The following HOXA13 variants were observed in gnomAD, a reference collection of about 807,000 sequenced individuals.
HOXA13 encodes homeobox A13.
Under a neutral mutation model 25.7 loss-of-function variants are expected in HOXA13, and 5 were observed. The ratio of observed to expected loss-of-function variants is 0.19; its 90% CI spans 0.10 to 0.41. The LOEUF is 0.41. Among genes scored for constraint, HOXA13 ranks in the 10% least tolerant of loss-of-function variants. The pLI is 1.00. For synonymous variants in HOXA13, 284 were observed against 241.1 expected (o/e 1.18, Z -1.65); for missense variants, 557 against 533.5 (o/e 1.04, Z -0.43).
Position 27,198,177 on chromosome 7 carries a change from T to A in HOXA13, c.*21A>T, listed in dbSNP as rs746043394. The A allele has an allele frequency of 6.2e-7, 1 of 1,613,920 alleles. No individual in the cohort carries two copies. Among genetic ancestry groups the A allele is most frequent in the South Asian group, 1.1e-5 (1 of 91,060 alleles). On this transcript the variant is annotated 3_prime_UTR_variant, in exon 2 of 2. Transcript: ENST00000649031. Reference sequence around the variant, plus strand: ...TCTGAAGCGTTTCTTCAAGTTGCCTTCTTGCTCTATTTTTAATCCATTAAC... The same window carrying A: ...TCTGAAGCGTTTCTTCAAGTTGCCTACTTGCTCTATTTTTAATCCATTAAC...
chr7:27,199,182 G>T lies in HOXA13; in HGVS notation c.896C>A (p.Pro299His), dbSNP rs1784050943. ...MYCPKEQAQP[P>H]HLWKSTLPDV... The stretch of plus-strand genomic sequence containing the variant: ...GGGCAGAGTGGACTTCCAGAGGTGG[G>T]GAGGCTGCGCCTGCTCTTTGGGGCA... Residue 299 changes from proline (P) to histidine (H), a missense_variant, in exon 1 of 2, where the codon CCC becomes CAC. By Grantham distance (77) the Pro-to-His change is moderately conservative. Coordinates refer to ENST00000649031, the MANE Select transcript of HOXA13 (RefSeq NM_000522.5). The T allele has an allele frequency of 3.1e-6, 5 of 1,612,332 alleles. No homozygotes were observed. Among genetic ancestry groups the T allele is most frequent in the Admixed American group, 3.3e-5 (2 of 59,876 alleles).
intron 1 of HOXA13, 101 bp downstream of exon 1, chr7:27,199,055 C>T (rs892155405): frequency 1.7e-6 from 2 of 1,172,106 alleles, no homozygotes; most frequent in Non-Finnish European, 2.4e-6. Context: ...TAGGGCAGAC[C>T]AGGAAGAGAA....
chr7:27,198,654 C>G, intron 1 of HOXA13: 1 of 615,610 alleles, frequency 1.6e-6, no homozygotes, highest in Non-Finnish European at 2.8e-6. Context: ...AGTGACTTCC[C>G]CAACCCGGCC....
At position 27,199,574 on chromosome 7, in the gene HOXA13, C is replaced by A. The variant is rs34185333; in HGVS notation, c.504G>T (p.Ala168=). Reference sequence around the variant, plus strand: ...CGCTGCCGAAGTAGCCATAGGGCAGCGCCGCGGGCCCCGACGAGCTCTGCG... The same window carrying A: ...CGCTGCCGAAGTAGCCATAGGGCAGAGCCGCGGGCCCCGACGAGCTCTGCG... ...AAAQSSSGPA[A]LPYGYFGSGY... Residue 168 remains alanine (A), a synonymous_variant, in exon 1 of 2, where the codon GCG becomes GCT. Coordinates refer to ENST00000649031, the MANE Select transcript of HOXA13 (RefSeq NM_000522.5). 5 of 1,537,592 alleles carry A rather than the reference C, an allele frequency of 3.3e-6. No individual in the cohort carries two copies. The highest frequency in any genetic ancestry group is 2.7e-5 in the African/African-American group (2 of 72,860).
At position 27,199,285 on chromosome 7, in the gene HOXA13, G is replaced by C. The variant is rs752872577; in HGVS notation, c.793C>G (p.Arg265Gly). Residue 265 changes from arginine to glycine, a missense_variant, in exon 1 of 2, where the codon CGC (arginine) becomes GGC (glycine). Transcript: ENST00000649031. ...VPGLGGPGESRHEPLGLPMES... is the reference protein window; with the variant it reads ...VPGLGGPGESGHEPLGLPMES... ...ATGGGAAGACCCAAGGGTTCGTGGC[G>C]CGACTCGCCGGGGCCCCCGAGGCCC... The C allele has an allele frequency of 6.2e-7, 1 of 1,614,036 alleles. No homozygotes were observed. Among genetic ancestry groups the C allele is most frequent in the Non-Finnish European group, 8.5e-7 (1 of 1,179,984 alleles).
chr7:27,198,981 C>T (rs1210899935), intron 1 of HOXA13, among the ~76,000 whole-genome samples, 175 bp downstream of exon 1: 1 of 152,134 alleles, frequency 6.6e-6, no homozygotes, highest in Admixed American at 6.5e-5. Context: ...GGGACCAGCT[C>T]AACTCGAGGC....
At chr7:27,198,926 G>A (rs1359210257) in intron 1 of HOXA13, among the ~76,000 whole-genome samples, 1 of 152,126 alleles carries the variant, frequency 6.6e-6, no homozygotes, top group African/African-American at 2.4e-5. Context: ...GGAGAGGGAA[G>A]CTAGCCGAGG....
intron 1 of HOXA13, chr7:27,198,866 T>C: frequency 1.9e-6 from 1 of 527,492 alleles, no homozygotes; most frequent in Non-Finnish European, 3.4e-6. Flanking sequence ...TTCTGGTCAA[T>C]TTCTCATCCT....
chr7:27,198,646 T>A (rs769451569), intron 1 of HOXA13: 1 of 634,408 alleles, frequency 1.6e-6, no homozygotes, highest in Non-Finnish European at 2.7e-6. Flanking sequence ...AGGGCTCCAG[T>A]GACTTCCCCA....
chr7:27,197,837 G>T lies in HOXA13; in HGVS notation c.*361C>A. The T allele has an allele frequency of 5.5e-6, 2 of 361,632 alleles. No individual in the cohort carries two copies. The highest frequency in any genetic ancestry group is 5.1e-6 in the Non-Finnish European group (1 of 196,222). 22.4% of individuals were successfully genotyped at this position (361,632 alleles called of 1,614,324 possible). A position where few individuals can be genotyped will look rare whatever the true frequency, so the allele number is the denominator to read the frequency against. ...CTCTTGCGTTTGTAACCAACTTCCA[G>T]ATTATTACCATCTAACGCAGTGTCC... On this transcript the variant is annotated 3_prime_UTR_variant, in exon 2 of 2. Transcript: ENST00000649031.
In HOXA13 at chr7:27,197,880, TTAAA is replaced by T; in HGVS notation, c.*314_*317del. ...CAGTGTCCTAAAATGTAACGATCAC[TTAAA>T]TACTTACAAGATTTCAGTAACTGCG... On this transcript the variant is annotated 3_prime_UTR_variant, in exon 2 of 2. Coordinates refer to ENST00000649031, the MANE Select transcript of HOXA13 (RefSeq NM_000522.5). 2.2e-6 allele frequency: 1 copy of T among 447,512 alleles called. No individual in the cohort carries two copies. Among genetic ancestry groups the T allele is most frequent in the South Asian group, 2.3e-5 (1 of 43,426 alleles). The allele number at this position is 447,512 out of a possible 1,614,324, so 27.7% of individuals were successfully genotyped here. A position where few individuals can be genotyped will look rare whatever the true frequency, so the allele number is the denominator to read the frequency against.
chr7:27,198,826 GA>G, intron 1 of HOXA13: 1 of 455,742 alleles, frequency 2.2e-6, no homozygotes, highest in Non-Finnish European at 4.0e-6. Context: ...TTGAGAGAAT[GA>G]ATAGGGAGGG....
At position 27,200,038 on chromosome 7, in the gene HOXA13, G is replaced by C; in HGVS notation, c.40C>G (p.Pro14Ala). The change falls in exon 1 of 2, where the codon CCC becomes GCC. Residue 14 changes from proline (P) to alanine (A), a missense_variant. Physicochemically the swap from Pro to Ala is conservative, Grantham distance 27 (BLOSUM62 -1). Transcript: ENST00000649031. ...SVLLHPRWIE[P>A]TVMFLYDNGG... Reference sequence around the variant, plus strand: ...TTGTCGTAGAGAAACATGACGGTGGGCTCGATCCAGCGGGGGTGGAGGAGC... The same window carrying C: ...TTGTCGTAGAGAAACATGACGGTGGCCTCGATCCAGCGGGGGTGGAGGAGC... 6.7e-7 allele frequency: 1 copy of C among 1,483,886 alleles called. No homozygotes were observed. Among genetic ancestry groups the C allele is most frequent in the Non-Finnish European group, 9.1e-7 (1 of 1,102,314 alleles). The allele number at this position is 1,483,886 out of a possible 1,614,324, so 91.9% of individuals were successfully genotyped here.
At chr7:27,198,883 G>C in intron 1 of HOXA13, 2 of 546,516 alleles carry the variant, frequency 3.7e-6, no homozygotes, top group Non-Finnish European at 6.5e-6. Context: ...TCCTTAAATT[G>C]GTGTCAGGGG....
In HOXA13 at chr7:27,198,033, C is replaced by A; in HGVS notation, c.*165G>T. On this transcript the variant is annotated 3_prime_UTR_variant, in exon 2 of 2. Coordinates refer to ENST00000649031, the MANE Select transcript of HOXA13 (RefSeq NM_000522.5). ...TAAAGTTTTAAAACAGTTGTAGATT[C>A]CATTAAAGAGAAAGAGATCTCCTTC... 1.2e-6 allele frequency: 1 copy of A among 807,496 alleles called. No homozygotes were observed. The highest frequency in any genetic ancestry group is 2.0e-6 in the Non-Finnish European group (1 of 499,160). 50.0% of individuals were successfully genotyped at this position (807,496 alleles called of 1,614,324 possible).
Position 27,199,736 on chromosome 7 carries a change from CG to C in HOXA13, c.341del (p.Pro114ArgfsTer221). 1 of 995,156 alleles carries C rather than the reference CG, an allele frequency of 1.0e-6. No individual in the cohort carries two copies. Among genetic ancestry groups the C allele is most frequent in the Non-Finnish European group, 1.2e-6 (1 of 838,368 alleles). 61.6% of individuals were successfully genotyped at this position (995,156 alleles called of 1,614,324 possible). A position where few individuals can be genotyped will look rare whatever the true frequency, so the allele number is the denominator to read the frequency against. Reference sequence around the variant, plus strand: ...CCGCGGCAGCAGCGGCGGCAGCCGACGGGGGCGCCTCCCCGGGGGCGCTGCT... The same window carrying C: ...CCGCGGCAGCAGCGGCGGCAGCCGACGGGGCGCCTCCCCGGGGGCGCTGCT... ...AYSSAPGEAP[P>X]SAAAAAAAAA... On this transcript the variant is annotated frameshift_variant, in exon 1 of 2. Coordinates refer to ENST00000649031, the MANE Select transcript of HOXA13 (RefSeq NM_000522.5). LOFTEE classifies it high-confidence loss of function.
Position 27,199,728 on chromosome 7 carries a change from G to T in HOXA13, c.350C>A (p.Ala117Asp). 1.0e-6 allele frequency: 1 copy of T among 998,594 alleles called. No homozygotes were observed. The highest frequency in any genetic ancestry group is 1.2e-6 in the Non-Finnish European group (1 of 840,458). 61.9% of individuals were successfully genotyped at this position (998,594 alleles called of 1,614,324 possible). A position where few individuals can be genotyped will look rare whatever the true frequency, so the allele number is the denominator to read the frequency against. ...SAPGEAPPSA[A>D]AAAAAAAAAA... The stretch of plus-strand genomic sequence containing the variant: ...AGCGGCAGCCGCGGCAGCAGCGGCG[G>T]CAGCCGACGGGGGCGCCTCCCCGGG... Residue 117 changes from alanine to aspartate, a missense_variant, in exon 1 of 2, where the codon GCC becomes GAC. Transcript: ENST00000649031.
In HOXA13 at chr7:27,195,316, G is replaced by A. The variant is rs767642146; in HGVS notation, c.*2882C>T. ...CAATCAATATTATTTTCCATAAAAT[G>A]ATGAATCTGGTTCTTCCATTCACTA... On this transcript the variant is annotated 3_prime_UTR_variant, in exon 2 of 2. Transcript: ENST00000649031. 3.9e-5 allele frequency: 6 copies of A among 152,158 alleles called. No homozygotes were observed. The highest frequency in any genetic ancestry group is 8.8e-5 in the Non-Finnish European group (6 of 68,038). 9.4% of individuals were successfully genotyped at this position (152,158 alleles called of 1,614,324 possible). A position where few individuals can be genotyped will look rare whatever the true frequency, so the allele number is the denominator to read the frequency against.
chr7:27,200,060 G>T lies in HOXA13; in HGVS notation c.18C>A (p.Leu6=). 1.4e-6 allele frequency: 2 copies of T among 1,474,410 alleles called. No homozygotes were observed. Among genetic ancestry groups the T allele is most frequent in the Non-Finnish European group, 9.1e-7 (1 of 1,096,454 alleles). The allele number at this position is 1,474,410 out of a possible 1,614,324, so 91.3% of individuals were successfully genotyped here. A position where few individuals can be genotyped will look rare whatever the true frequency, so the allele number is the denominator to read the frequency against. Residue 6 remains leucine, a synonymous_variant, in exon 1 of 2, where the codon CTC becomes CTA. Transcript: ENST00000649031. Reference sequence around the variant, plus strand: ...TGGGCTCGATCCAGCGGGGGTGGAGGAGCACGGAGGCTGTCATAGCCCGAG... The same window carrying T: ...TGGGCTCGATCCAGCGGGGGTGGAGTAGCACGGAGGCTGTCATAGCCCGAG... MTASV[L]LHPRWIEPTV...
Sources: gnomAD v4.1 joint callset for allele counts (sites outside exome capture counted in the v4.1 genomes callset) on GRCh38, gnomAD v4.1.1 for gene constraint, MANE v1.5 for transcripts, NCBI Gene and HGNC (gene_info 2026-07-23, HGNC 2026-07-21) for gene names.